ARMC8: variants seen among roughly 807,000 people sequenced by gnomAD.
ARMC8 encodes armadillo repeat containing 8, also known as armadillo repeat-containing protein 8.
A neutral mutation model predicts 99.3 loss-of-function variants in ARMC8; 20 were observed. That is an observed-to-expected ratio of 0.20 (90% confidence interval 0.14 to 0.29). ARMC8 has a LOEUF of 0.29. Among genes scored for constraint, ARMC8 ranks in the 10% least tolerant of loss-of-function variants. The pLI, the probability that ARMC8 is intolerant of heterozygous loss-of-function variation, is 1.00. For missense variants in ARMC8, 569 were observed against 809.5 expected (o/e 0.70, Z 3.60); for synonymous variants, 263 against 278.3 (o/e 0.95, Z 0.55).
At chr3:138,195,388 A>T (rs1395290908) in intron 1 of ARMC8, among the ~76,000 whole-genome samples, 5 of 152,136 alleles carry the variant, frequency 3.3e-5, no homozygotes, top group Admixed American at 3.3e-4. Context: ...GAAAAATGAG[A>T]GGTGCTCATT....
chr3:138,199,655 A>C (rs1405691645), intron 1 of ARMC8, among the ~76,000 whole-genome samples: 1 of 152,360 alleles, frequency 6.6e-6, no homozygotes, highest in Non-Finnish European at 1.5e-5. Context: ...TCATGATTTC[A>C]TGAGAACACA....
chr3:138,263,813 T>C lies in ARMC8; in HGVS notation c.1209T>C (p.Ala403=). 6.2e-7 allele frequency: 1 copy of C among 1,613,944 alleles called. No individual in the cohort carries two copies. The highest frequency in any genetic ancestry group is 8.5e-7 in the Non-Finnish European group (1 of 1,179,800). Reference sequence around the variant, plus strand: ...AGTCTAGTGTCAAGGTGCGGTTAGCTGCCGTCAGGTATGAGCTTTAAATGG... The same window carrying C: ...AGTCTAGTGTCAAGGTGCGGTTAGCCGCCGTCAGGTATGAGCTTTAAATGG... ...LSESSVKVRL[A]AVRCLHSLSR... Residue 403 remains alanine (A), a synonymous_variant, in exon 13 of 22, where the codon GCT becomes GCC. Coordinates refer to ENST00000469044, the MANE Select transcript of ARMC8 (RefSeq NM_001363941.2).
intron 2 of ARMC8, among the ~76,000 whole-genome samples, chr3:138,218,036 A>G (rs573855367): frequency 6.6e-6 from 1 of 152,266 alleles, no homozygotes; most frequent in South Asian, 2.1e-4. Flanking sequence ...TCCTTCAACA[A>G]ATATTTATTG....
intron 19 of ARMC8, chr3:138,287,860 AT>A (rs2050576598): frequency 2.0e-5 from 6 of 293,750 alleles, no homozygotes; most frequent in South Asian, 6.6e-5. Context: ...CATACTAGAA[AT>A]TTTTTTTATT....
intron 5 of ARMC8, among the ~76,000 whole-genome samples, chr3:138,225,729 C>T (rs1454441395): frequency 6.6e-6 from 1 of 152,160 alleles, no homozygotes; most frequent in Non-Finnish European, 1.5e-5. Context: ...TGAGCTAACA[C>T]AACGAATCAT....
chr3:138,277,401 G>T (rs188869399), intron 18 of ARMC8, among the ~76,000 whole-genome samples: 34 of 152,320 alleles, frequency 2.2e-4, no homozygotes, highest in African/African-American at 7.5e-4. Flanking sequence ...AGGTAAATTG[G>T]TCTTCATCAA....
chr3:138,259,428 G>A (rs2047556439), intron 12 of ARMC8, among the ~76,000 whole-genome samples: 1 of 152,170 alleles, frequency 6.6e-6, no homozygotes, highest in Non-Finnish European at 1.5e-5. Context: ...CCTCAAGCTT[G>A]CAAAACCCTG....
At position 138,187,515 on chromosome 3, in the gene ARMC8, C is replaced by T; in HGVS notation, c.-40C>T. 6.5e-7 allele frequency: 1 copy of T among 1,534,994 alleles called. No homozygotes were observed. The highest frequency in any genetic ancestry group is 1.2e-5 in the South Asian group (1 of 84,022). ...AGTTGGCTGTCGAAAGTGCCGGCCC[C>T]CGCGCCGGCGCCTGCAGCAGCCGGG... On this transcript the variant is annotated 5_prime_UTR_variant, in exon 1 of 22. Coordinates refer to ENST00000469044, the MANE Select transcript of ARMC8 (RefSeq NM_001363941.2).
intron 14 of ARMC8, among the ~76,000 whole-genome samples, chr3:138,266,034 A>G (rs1008147423): frequency 3.9e-5 from 6 of 152,240 alleles, no homozygotes; most frequent in Admixed American, 6.5e-5. Context: ...AACAAGTGTC[A>G]CAATATGGTC....
chr3:138,279,503 G>A (rs2049658552), intron 18 of ARMC8, among the ~76,000 whole-genome samples: 1 of 152,142 alleles, frequency 6.6e-6, no homozygotes, highest in Admixed American at 6.5e-5. Context: ...TTGATGAATA[G>A]TTTTTTAATA....
At chr3:138,209,915 GT>G in intron 2 of ARMC8, 22 bp downstream of exon 2, 1 of 1,586,244 alleles carries the variant, frequency 6.3e-7, no homozygotes, top group Non-Finnish European at 8.6e-7. Flanking sequence ...GTATTTAAGA[GT>G]CTATCAAAAA....
intron 2 of ARMC8, among the ~76,000 whole-genome samples, chr3:138,218,695 C>T (rs1490313125): frequency 1.3e-5 from 2 of 152,064 alleles, no homozygotes; most frequent in East Asian, 1.9e-4. Context: ...TGCCACTCCA[C>T]GGATATTGTG....
intron 2 of ARMC8, among the ~76,000 whole-genome samples, chr3:138,216,250 A>G (rs2045033339): frequency 6.6e-6 from 1 of 152,136 alleles, no homozygotes. Flanking sequence ...AGAATGAACT[A>G]AATTAAAGTC....
In ARMC8 at chr3:138,263,892, A is replaced by C. The variant is rs1576838998; in HGVS notation, c.1217+71A>C. 47 of 1,313,316 alleles carry C rather than the reference A, an allele frequency of 3.6e-5. No homozygotes were observed. In the South Asian group the frequency reaches 5.4e-4, roughly 15 times the overall value. 81.4% of individuals were successfully genotyped at this position (1,313,316 alleles called of 1,614,324 possible). ...TAACCTGTTTCCTTTCTGGTCCTTC[A>C]CTGAGTAAACACAGACTACAAATGT... On this transcript the variant is annotated intron_variant, in intron 13 of 21. Transcript: ENST00000469044.
chr3:138,233,576 T>C (rs2046172833), intron 6 of ARMC8, among the ~76,000 whole-genome samples: 1 of 152,192 alleles, frequency 6.6e-6, no homozygotes, highest in Admixed American at 6.5e-5. Flanking sequence ...CTGAGTTTTT[T>C]ACAGATTCTT....
chr3:138,227,711 T>C (rs1390782686), intron 5 of ARMC8, among the ~76,000 whole-genome samples: 1 of 152,204 alleles, frequency 6.6e-6, no homozygotes, highest in African/African-American at 2.4e-5. Flanking sequence ...TCCTCTGTTG[T>C]CTCTGGTGAG....
Position 138,241,975 on chromosome 3 carries a change from A to G in ARMC8, c.1030A>G (p.Ile344Val), listed in dbSNP as rs1237957658. ...CAGCTCAGTGAGTGCCATCACTGATATTAAAAGGGTATGTTATTTTCCTTT... is the reference window on the plus strand; with the variant it reads ...CAGCTCAGTGAGTGCCATCACTGATGTTAAAAGGGTATGTTATTTTCCTTT... ...YPSSVSAITD[I>V]KRLDHDLKHA... Residue 344 changes from isoleucine to valine, a missense_variant, in exon 11 of 22, where the codon ATT becomes GTT. Physicochemically the swap from Ile to Val is conservative, Grantham distance 29. Around this residue, in one of 2 missense-constraint regions of ARMC8, gnomAD observed 227 missense variants for 417.9 expected, o/e 0.54. Coordinates refer to ENST00000469044, the MANE Select transcript of ARMC8 (RefSeq NM_001363941.2). 1.6e-5 allele frequency: 25 copies of G among 1,612,870 alleles called. No homozygotes were observed. The highest frequency in any genetic ancestry group is 2.0e-5 in the Non-Finnish European group (24 of 1,179,084).
intron 21 of ARMC8, among the ~76,000 whole-genome samples, chr3:138,294,902 CTT>C (rs761552356): frequency 2.8e-5 from 4 of 141,978 alleles, no homozygotes; most frequent in Non-Finnish European, 3.1e-5. Context: ...GTTTTTTGTT[CTT>C]TTTTTTTTTT....
chr3:138,199,486 T>C (rs2043928835), intron 1 of ARMC8, among the ~76,000 whole-genome samples: 1 of 152,190 alleles, frequency 6.6e-6, no homozygotes, highest in Non-Finnish European at 1.5e-5. Flanking sequence ...TCCTTTTTTG[T>C]TCCAAGTAGA....
Sources: allele counts gnomAD v4.1 joint callset (sites outside exome capture counted in the v4.1 genomes callset), GRCh38; gene constraint gnomAD v4.1.1; regional missense constraint gnomAD v4.1.1; transcripts MANE v1.5; gene names NCBI Gene and HGNC (gene_info 2026-07-23, HGNC 2026-07-21).